Variants in ZBTB26 observed in about 807,000 individuals in gnomAD.
ZBTB26 encodes zinc finger and BTB domain-containing protein 26.
A neutral mutation model predicts 31.6 loss-of-function variants in ZBTB26; 12 were observed. The ratio of observed to expected loss-of-function variants is 0.38; its 90% CI spans 0.24 to 0.61. The LOEUF (loss-of-function observed/expected upper bound fraction) is 0.61. ZBTB26 is among the 20% of genes least tolerant of loss of function. The pLI, the probability that ZBTB26 is intolerant of heterozygous loss-of-function variation, is 0.60. For missense variants in ZBTB26, 311 were observed against 521.9 expected (o/e 0.60, Z 3.94); for synonymous variants, 155 against 182.9 (o/e 0.85, Z 1.23).
intron 1 of ZBTB26, among the ~76,000 whole-genome samples, chr9:122,925,531 T>A (rs915314661): frequency 7.9e-5 from 12 of 152,154 alleles, no homozygotes. Context: ...AAGTGTTAGA[T>A]CTGGAACTGG....
At position 122,916,929 on chromosome 9, in the gene ZBTB26, C is replaced by G. The variant is rs936757059; in HGVS notation, c.*1680G>C. The G allele has an allele frequency of 1.1e-4, 16 of 152,112 alleles. 1 individual carries two copies. Among genetic ancestry groups the G allele is most frequent in the Non-Finnish European group, 2.9e-5 (2 of 68,004 alleles). 9.4% of individuals were successfully genotyped at this position (152,112 alleles called of 1,614,324 possible). A position where few individuals can be genotyped will look rare whatever the true frequency, so the allele number is the denominator to read the frequency against. ...CACTCTCATAGCTCAAAAATAAAAA[C>G]AGAAAATCCTGATGGAAACTAATAA... On this transcript the variant is annotated 3_prime_UTR_variant, in exon 2 of 2. Coordinates refer to ENST00000373656, the MANE Select transcript of ZBTB26 (RefSeq NM_020924.4).
rs1391118910 is a variant in ZBTB26 at position 122,919,990 on chromosome 9, C to T, written c.-10-46G>A. 22 of 1,518,108 alleles carry T rather than the reference C, an allele frequency of 1.4e-5. No individual in the cohort carries two copies. The highest frequency in any genetic ancestry group is 1.7e-5 in the Non-Finnish European group (19 of 1,139,036). 94.0% of individuals were successfully genotyped at this position (1,518,108 alleles called of 1,614,324 possible). On this transcript the variant is annotated intron_variant, in intron 1 of 1. Transcript: ENST00000373656. This position sits in a 1 kb window ranked among gnomAD's most constrained non-coding sequence, Gnocchi z 6.1. ...AAGGTTGAATTTAAGGAAACTCAGA[C>T]AATTAAGAAAGCTGGATCTACCTTC...
rs1436362230 is a variant in ZBTB26, at chr9:122,918,512, G to C, written c.*97C>G. ...ACTCACTCCCTACCACCTACACAGA[G>C]GCTTTGGAGAAGTCAAACTAGCAAA... is the stretch of plus-strand genomic sequence containing the variant. On this transcript the variant is annotated 3_prime_UTR_variant, in exon 2 of 2. Coordinates refer to ENST00000373656, the MANE Select transcript of ZBTB26 (RefSeq NM_020924.4). 4.0e-6 allele frequency: 6 copies of C among 1,515,740 alleles called. No individual in the cohort carries two copies. Among genetic ancestry groups the C allele is most frequent in the Non-Finnish European group, 5.3e-6 (6 of 1,138,112 alleles). 93.9% of individuals were successfully genotyped at this position (1,515,740 alleles called of 1,614,324 possible). A position where few individuals can be genotyped will look rare whatever the true frequency, so the allele number is the denominator to read the frequency against.
chr9:122,931,305 G>C (rs971050625), intron 1 of ZBTB26, 132 bp downstream of exon 1: 65 of 152,082 alleles, frequency 4.3e-4, no homozygotes, highest in African/African-American at 1.6e-3. Context: ...GGCTCCTCAA[G>C]TCCCCAGGGG....
Position 122,919,259 on chromosome 9 carries a change from C to T in ZBTB26, c.676G>A (p.Glu226Lys). Residue 226 changes from glutamate (E) to lysine (K), a missense_variant, in exon 2 of 2, where the codon GAA (glutamate) becomes AAA (lysine). By Grantham distance (56) the Glu-to-Lys change is moderately conservative. Transcript: ENST00000373656. The surrounding 1 kb of genome is among the most constrained non-coding windows in gnomAD (Gnocchi z 6.1). ...PQHSLINSTV[E>K]NRVSEIEQNH... is the part of the protein sequence containing the mutation. ...TGTTCTATTTCACTTACTCTGTTTT[C>T]CACAGTTGAATTTATCAGGGAGTGC... The T allele has an allele frequency of 6.2e-7, 1 of 1,614,172 alleles. No individual in the cohort carries two copies. Among genetic ancestry groups the T allele is most frequent in the Non-Finnish European group, 8.5e-7 (1 of 1,180,034 alleles).
intron 1 of ZBTB26, among the ~76,000 whole-genome samples, chr9:122,920,790 C>G (rs768220877): frequency 1.3e-5 from 2 of 152,138 alleles, no homozygotes; most frequent in African/African-American, 4.8e-5. Flanking sequence ...TAACATAGAT[C>G]GAATCAATCC....
In ZBTB26 at chr9:122,918,473, C is replaced by T; in HGVS notation, c.*136G>A. 3 of 1,344,660 alleles carry T rather than the reference C, an allele frequency of 2.2e-6. No individual in the cohort carries two copies. Among genetic ancestry groups the T allele is most frequent in the Non-Finnish European group, 3.0e-6 (3 of 999,540 alleles). 83.3% of individuals were successfully genotyped at this position (1,344,660 alleles called of 1,614,324 possible). A position where few individuals can be genotyped will look rare whatever the true frequency, so the allele number is the denominator to read the frequency against. Reference sequence around the variant, plus strand: ...CACTCCAAGTGGTAAGTTGCCTGGTCTATTAGTGCTTTGACTCACTCCCTA... The same window carrying T: ...CACTCCAAGTGGTAAGTTGCCTGGTTTATTAGTGCTTTGACTCACTCCCTA... On this transcript the variant is annotated 3_prime_UTR_variant, in exon 2 of 2. Transcript: ENST00000373656.
Position 122,919,738 on chromosome 9 carries a change from T to C in ZBTB26, c.197A>G (p.Asp66Gly). 1 of 1,614,142 alleles carries C rather than the reference T, an allele frequency of 6.2e-7. No homozygotes were observed. The highest frequency in any genetic ancestry group is 1.1e-5 in the South Asian group (1 of 91,076). Reference protein sequence around the residue: ...PFLRDQFLLNDSREVKISILQ... With the variant: ...PFLRDQFLLNGSREVKISILQ... ...TATGGAGATTTTCACCTCTCTGGAATCATTCAGTAAAAATTGGTCTCTTAA... is the reference window on the plus strand; with the variant it reads ...TATGGAGATTTTCACCTCTCTGGAACCATTCAGTAAAAATTGGTCTCTTAA... The change falls in exon 2 of 2, where the codon GAT (aspartate) becomes GGT (glycine). Residue 66 changes from aspartate to glycine, a missense_variant. By Grantham distance (94) the Asp-to-Gly change is moderately conservative. Transcript: ENST00000373656. The surrounding 1 kb of genome is among the most constrained non-coding windows in gnomAD (Gnocchi z 6.1).
intron 1 of ZBTB26, among the ~76,000 whole-genome samples, chr9:122,921,423 TAATC>T (rs1208430615): frequency 2.0e-5 from 3 of 152,374 alleles, no homozygotes; most frequent in Admixed American, 1.3e-4. Flanking sequence ...TTTTATGTAT[TAATC>T]AACCCCTTAG....
rs1833009454 is a variant in ZBTB26 at position 122,915,655 on chromosome 9, A to T, written c.*2954T>A. On this transcript the variant is annotated 3_prime_UTR_variant, in exon 2 of 2. Transcript: ENST00000373656. ...GTCTAACATACAACAGATTTAGAAC[A>T]GCTATTCATGAGCTGAAATAAAATC... 6.6e-6 allele frequency: 1 copy of T among 152,246 alleles called. No individual in the cohort carries two copies. Among genetic ancestry groups the T allele is most frequent in the South Asian group, 2.1e-4 (1 of 4,836 alleles). The allele number at this position is 152,246 out of a possible 1,614,324, so 9.4% of individuals were successfully genotyped here.
In ZBTB26 at chr9:122,919,815, A is replaced by G. The variant is rs372515925; in HGVS notation, c.120T>C (p.Asp40=). ...NKFCDVTVLI[D]DIEVQGHKIV... is the part of the protein sequence containing the mutation. ...TTTTATGTCCCTGTACCTCAATATC[A>G]TCTATGAGAACTGTAACATCACAAA... The change falls in exon 2 of 2, where the codon GAT becomes GAC. Residue 40 remains aspartate (D), a synonymous_variant. Coordinates refer to ENST00000373656, the MANE Select transcript of ZBTB26 (RefSeq NM_020924.4). This position sits in a 1 kb window ranked among gnomAD's most constrained non-coding sequence, Gnocchi z 6.1. 3.9e-4 allele frequency: 631 copies of G among 1,613,970 alleles called. No individual in the cohort carries two copies. Among genetic ancestry groups the G allele is most frequent in the Non-Finnish European group, 5.2e-4 (612 of 1,180,004 alleles).
At chr9:122,924,415 C>A (rs1259896100) in intron 1 of ZBTB26, among the ~76,000 whole-genome samples, 1 of 151,996 alleles carries the variant, frequency 6.6e-6, no homozygotes, top group Non-Finnish European at 1.5e-5. Context: ...GGGCAATGAC[C>A]AATGGTTTGT....
chr9:122,920,117 T>G (rs1218160736), intron 1 of ZBTB26, among the ~76,000 whole-genome samples, 173 bp from the exon 2 acceptor site: 1 of 152,184 alleles, frequency 6.6e-6, no homozygotes. Context: ...CTGTTAAAAA[T>G]TACACCTTAC....
At position 122,925,508 on chromosome 9, in the gene ZBTB26, G is replaced by C. The variant is rs535874808; in HGVS notation, c.-10-5564C>G. Reference sequence around the variant, plus strand: ...TAAATAACTTGTAAACCCCAACGGAGGTTGAAAGTGTTAAGTGTTAGATCT... The same window carrying C: ...TAAATAACTTGTAAACCCCAACGGACGTTGAAAGTGTTAAGTGTTAGATCT... On this transcript the variant is annotated intron_variant, in intron 1 of 1. Transcript: ENST00000373656. 2.6e-4 allele frequency among the ~76,000 whole-genome samples: 40 copies of C among 152,268 alleles called. No homozygotes were observed. In the South Asian group the frequency reaches 7.9e-3, roughly 30 times the overall value.
chr9:122,928,592 T>C (rs1163434417), intron 1 of ZBTB26, among the ~76,000 whole-genome samples: 1 of 152,238 alleles, frequency 6.6e-6, no homozygotes, highest in African/African-American at 2.4e-5. Flanking sequence ...TAAGGGTAAG[T>C]ATCTCTTTCA....
chr9:122,926,506 C>G (rs952508696), intron 1 of ZBTB26, among the ~76,000 whole-genome samples: 11 of 62,138 alleles, frequency 1.8e-4, no homozygotes, highest in Non-Finnish European at 1.3e-4. Context: ...GACTCCGTCT[C>G]AAAAAAAAAA....
chr9:122,918,934 G>T lies in ZBTB26; in HGVS notation c.1001C>A (p.Thr334Asn). 3 of 1,614,160 alleles carry T rather than the reference G, an allele frequency of 1.9e-6. No homozygotes were observed. The highest frequency in any genetic ancestry group is 2.5e-6 in the Non-Finnish European group (3 of 1,180,034). Residue 334 changes from threonine (T) to asparagine (N), a missense_variant, in exon 2 of 2, where the codon ACC becomes AAC. This residue lies in a region of ZBTB26 where 25 missense variants were observed against 93.0 expected (regional missense o/e 0.27). Transcript: ENST00000373656. ...KPFQCKICGK[T>N]FSQKCSLQDH... is the part of the protein sequence containing the mutation. ...CTGTAAGGAACACTTCTGAGAAAAG[G>T]TTTTCCCACAGATTTTACACTGGAA... is the stretch of plus-strand genomic sequence containing the variant.
At position 122,919,730 on chromosome 9, in the gene ZBTB26, C is replaced by T. The variant is rs116055369; in HGVS notation, c.205G>A (p.Glu69Lys). The T allele has an allele frequency of 2.1e-4, 344 of 1,614,172 alleles. 1 individual carries two copies. The East Asian group carries it at 7.6e-3, about 36-fold the overall frequency. Reference protein sequence around the residue: ...RDQFLLNDSREVKISILQSSE... With the variant: ...RDQFLLNDSRKVKISILQSSE... ...CTCTGTAATATGGAGATTTTCACCTCTCTGGAATCATTCAGTAAAAATTGG... is the reference window on the plus strand; with the variant it reads ...CTCTGTAATATGGAGATTTTCACCTTTCTGGAATCATTCAGTAAAAATTGG... Residue 69 changes from glutamate to lysine, a missense_variant, in exon 2 of 2, where the codon GAG (glutamate) becomes AAG (lysine). This residue lies in a region of ZBTB26 where 207 missense variants were observed against 298.6 expected (regional missense o/e 0.69). Transcript: ENST00000373656. This position sits in a 1 kb window ranked among gnomAD's most constrained non-coding sequence, Gnocchi z 6.1.
In ZBTB26 at chr9:122,919,899, A is replaced by C. The variant is rs781403521; in HGVS notation, c.36T>G (p.Phe12Leu). The C allele has an allele frequency of 2.8e-5, 45 of 1,604,778 alleles. No individual in the cohort carries two copies. Among genetic ancestry groups the C allele is most frequent in the Non-Finnish European group, 3.2e-5 (38 of 1,175,676 alleles). Residue 12 changes from phenylalanine to leucine, a missense_variant, in exon 2 of 2, where the codon TTT becomes TTG. By Grantham distance (22) the Phe-to-Leu change is conservative. Coordinates refer to ENST00000373656, the MANE Select transcript of ZBTB26 (RefSeq NM_020924.4). The surrounding 1 kb of genome is among the most constrained non-coding windows in gnomAD (Gnocchi z 6.1). Reference sequence around the variant, plus strand: ...GTAACATTGAATCTCCATAATTTTCAAACTTGAAGTGAAGGAGATCTGATC... The same window carrying C: ...GTAACATTGAATCTCCATAATTTTCCAACTTGAAGTGAAGGAGATCTGATC... ...SERSDLLHFK[F>L]ENYGDSMLQK...
Sources: gnomAD v4.1 joint callset for allele counts (sites outside exome capture counted in the v4.1 genomes callset) on GRCh38, gnomAD v4.1.1 for gene constraint, gnomAD v4.1.1 regional missense constraint, Gnocchi (gnomAD v3.1) non-coding constraint, MANE v1.5 for transcripts, NCBI Gene and HGNC (gene_info 2026-07-23, HGNC 2026-07-21) for gene names.